NTN4: variants seen among roughly 807,000 people sequenced by gnomAD.
NTN4 encodes the protein netrin 4, also known as netrin-4.
A neutral mutation model predicts 73.6 loss-of-function variants in NTN4; 32 were observed. The observed-to-expected ratio is 0.44, with a 90% CI of 0.33 to 0.58. The LOEUF (loss-of-function observed/expected upper bound fraction) is 0.58. Among genes scored for constraint, NTN4 ranks in the 20% least tolerant of loss-of-function variants. NTN4 has a pLI of 0.04. For synonymous variants in NTN4, 258 were observed against 287.5 expected (o/e 0.90, Z 1.04); for missense variants, 654 against 798.3 (o/e 0.82, Z 2.18).
chr12:95,679,150 G>A (rs1412382585), intron 7 of NTN4, among the ~76,000 whole-genome samples: 1 of 152,124 alleles, frequency 6.6e-6, no homozygotes, highest in Non-Finnish European at 1.5e-5. Context: ...AATCCCAACA[G>A]AGCCTTTTGT....
chr12:95,770,115 T>A lies in NTN4; in HGVS notation c.585+16824A>T, dbSNP rs370136943. ...TACAGATTGTCCACAACGACTCAGATATAGAAGTACAGAGTCCTTCTCAGG... is the reference window on the plus strand; with the variant it reads ...TACAGATTGTCCACAACGACTCAGAAATAGAAGTACAGAGTCCTTCTCAGG... On this transcript the variant is annotated intron_variant, in intron 2 of 9. Coordinates refer to ENST00000343702, the MANE Select transcript of NTN4 (RefSeq NM_021229.4). Among the ~76,000 whole-genome samples the A allele has an allele frequency of 1.6e-4, 24 of 152,316 alleles. 1 individual carries two copies. Among genetic ancestry groups the A allele is most frequent in the African/African-American group, 5.3e-4 (22 of 41,570 alleles).
rs933256455 is a variant in NTN4 at position 95,787,352 on chromosome 12, T to C, written c.172A>G (p.Thr58Ala). 9.3e-6 allele frequency: 15 copies of C among 1,614,100 alleles called. No homozygotes were observed. The Admixed American group carries it at 2.3e-4, about 25-fold the overall frequency. The change falls in exon 2 of 10, where the codon ACC becomes GCC. Residue 58 changes from threonine (T) to alanine (A), a missense_variant. By Grantham distance (58) the Thr-to-Ala change is moderately conservative. Transcript: ENST00000343702. ...WADTTCGQNA[T>A]ELYCFYSENT... ...TCACTGTAGAAGCAGTACAGTTCGG[T>C]AGCATTCTGACCGCAGGTGGTGTCT... is the stretch of plus-strand genomic sequence containing the variant.
chr12:95,789,160 G>GGACT lies in NTN4; in HGVS notation c.55+1091_55+1094dup, dbSNP rs755705524. 6.6e-6 allele frequency among the ~76,000 whole-genome samples: 1 copy of GGACT among 152,126 alleles called. No homozygotes were observed. The highest frequency in any genetic ancestry group is 1.5e-5 in the Non-Finnish European group (1 of 68,016). On this transcript the variant is annotated intron_variant, in intron 1 of 9. Coordinates refer to ENST00000343702, the MANE Select transcript of NTN4 (RefSeq NM_021229.4). The surrounding 1 kb of genome is among the most constrained non-coding windows in gnomAD (Gnocchi z 4.0). ...GGCAAAATACTTGGAGTCACTCAAG[G>GGACT]GACTATTCAATGATACTAAGGATGC...
chr12:95,665,757 A>G, intron 9 of NTN4, 53 bp downstream of exon 9: 1 of 1,418,052 alleles, frequency 7.1e-7, no homozygotes, highest in Non-Finnish European at 9.6e-7. Context: ...TAAGACAAGC[A>G]GCAAATCAGC....
At chr12:95,762,599 T>A (rs536283860) in intron 2 of NTN4, among the ~76,000 whole-genome samples, 1 of 152,312 alleles carries the variant, frequency 6.6e-6, no homozygotes, top group East Asian at 1.9e-4. Flanking sequence ...AAGCAGATAT[T>A]TTTCTCTCTA....
At chr12:95,774,992 C>A (rs1164663835) in intron 2 of NTN4, among the ~76,000 whole-genome samples, 1 of 152,222 alleles carries the variant, frequency 6.6e-6, no homozygotes, top group East Asian at 1.9e-4. Context: ...CAGATTTCAG[C>A]TGAGTAATTG....
At chr12:95,661,484 C>G (rs552904546) in intron 9 of NTN4, among the ~76,000 whole-genome samples, 1 of 152,318 alleles carries the variant, frequency 6.6e-6, no homozygotes, top group African/African-American at 2.4e-5. Flanking sequence ...CATAATATCA[C>G]ACTCACTCTT....
At chr12:95,772,309 G>A (rs2079063648) in intron 2 of NTN4, among the ~76,000 whole-genome samples, 1 of 152,114 alleles carries the variant, frequency 6.6e-6, no homozygotes, top group South Asian at 2.1e-4. Context: ...CAAAGTGGTG[G>A]GATTACAGGC....
At chr12:95,713,070 G>T in intron 4 of NTN4, 142 bp downstream of exon 4, 2 of 887,406 alleles carry the variant, frequency 2.3e-6, no homozygotes, top group South Asian at 2.6e-5. Flanking sequence ...AAGCCTCAGT[G>T]GGCAGTGATA....
At chr12:95,779,481 C>G (rs530861316) in intron 2 of NTN4, among the ~76,000 whole-genome samples, 1 of 152,168 alleles carries the variant, frequency 6.6e-6, no homozygotes, top group Non-Finnish European at 1.5e-5. Flanking sequence ...AATCAATGTG[C>G]GAAAATCGCA....
At chr12:95,731,688 T>C (rs900596038) in intron 3 of NTN4, among the ~76,000 whole-genome samples, 2 of 152,174 alleles carry the variant, frequency 1.3e-5, no homozygotes, top group African/African-American at 4.8e-5. Flanking sequence ...TCATCGCCCC[T>C]GCCCTCTCCA....
intron 7 of NTN4, among the ~76,000 whole-genome samples, chr12:95,681,917 T>C (rs569707567): frequency 5.3e-5 from 8 of 152,328 alleles, no homozygotes; most frequent in Admixed American, 5.2e-4. Context: ...TTACTTTTGC[T>C]TTCTAGTTGT....
chr12:95,696,022 A>ACTTC lies in NTN4; in HGVS notation c.1181-12315_1181-12312dup, dbSNP rs545336707. 6.7e-4 allele frequency among the ~76,000 whole-genome samples: 68 copies of ACTTC among 102,064 alleles called. No homozygotes were observed. In the East Asian group the frequency reaches 0.013, roughly 20 times the overall value. The allele number at this position is 102,064 out of a possible 152,430, so 67.0% of individuals were successfully genotyped here. A position where few individuals can be genotyped will look rare whatever the true frequency, so the allele number is the denominator to read the frequency against. On this transcript the variant is annotated intron_variant, in intron 5 of 9. Transcript: ENST00000343702. ...TCCCCTTTCCCTCCCTCCCATACTC[A>ACTTC]CTTCCTTCCTTCCTTCCTTATTTTT...
chr12:95,700,059 G>A (rs2078471240), intron 5 of NTN4, among the ~76,000 whole-genome samples: 1 of 120,712 alleles, frequency 8.3e-6, no homozygotes. Context: ...GTTTCAAACA[G>A]TGTATTCTTC....
chr12:95,665,264 TAC>T lies in NTN4; in HGVS notation c.1750+544_1750+545del, dbSNP rs566196664. ...TCCATTTCAAGTTGCTCTAAAATCC[TAC>T]AGTTTTTGTTTTGTTTATTTCTGCT... On this transcript the variant is annotated intron_variant, in intron 9 of 9. Transcript: ENST00000343702. 1.6e-4 allele frequency among the ~76,000 whole-genome samples: 25 copies of T among 152,354 alleles called. No individual in the cohort carries two copies. The East Asian group carries it at 4.2e-3, about 26-fold the overall frequency.
At chr12:95,712,317 C>T (rs949611795) in intron 4 of NTN4, among the ~76,000 whole-genome samples, 2 of 151,936 alleles carry the variant, frequency 1.3e-5, no homozygotes, top group African/African-American at 4.8e-5. Flanking sequence ...TCTTTCATTT[C>T]AAGCATCATA....
chr12:95,790,881 C>T (rs2079205056), upstream of NTN4: 1 of 147,594 alleles, frequency 6.8e-6, no homozygotes, highest in Non-Finnish European at 1.5e-5. This position sits in a 1 kb window ranked among gnomAD's most constrained non-coding sequence, Gnocchi z 6.5. Context: ...GCTTGACAGC[C>T]CGGGCGGCGC....
intron 7 of NTN4, among the ~76,000 whole-genome samples, chr12:95,681,625 T>A (rs2078316678): frequency 6.6e-6 from 1 of 152,218 alleles, no homozygotes; most frequent in Non-Finnish European, 1.5e-5. Context: ...GTGCTAAGTA[T>A]AATCACTTGC....
intron 7 of NTN4, chr12:95,672,613 T>A: frequency 6.6e-7 from 1 of 1,525,180 alleles, no homozygotes. Flanking sequence ...AAGCAGAAAC[T>A]GCTGCAAAGC....
Sources: allele counts gnomAD v4.1 joint callset (sites outside exome capture counted in the v4.1 genomes callset), GRCh38; gene constraint gnomAD v4.1.1; non-coding constraint Gnocchi (gnomAD v3.1); transcripts MANE v1.5; gene names NCBI Gene and HGNC (gene_info 2026-07-23, HGNC 2026-07-21).